ZNF385D: variants seen among roughly 807,000 people sequenced by gnomAD.
ZNF385D encodes zinc finger protein 659.
In ZNF385D, 15 loss-of-function variants were observed where a neutral mutation model predicts 35.8. That is an observed-to-expected ratio of 0.42 (90% CI 0.28 to 0.64). The LOEUF (loss-of-function observed/expected upper bound fraction) is 0.64, where lower values mean the gene tolerates loss of function less well. Among genes scored for constraint, ZNF385D ranks in the 30% least tolerant of loss-of-function variants. ZNF385D has a pLI of 0.23. For synonymous variants in ZNF385D, 212 were observed against 186.8 expected (o/e 1.13, Z -1.10); for missense variants, 474 against 494.6 (o/e 0.96, Z 0.39).
At position 22,149,259 on chromosome 3, in the gene ZNF385D, C is replaced by G. The variant is rs185217058; in HGVS notation, c.325+19558G>C. ...TCTATATTTATATACATGTTAGTAT[C>G]CCAACCTTGATTTTTCTTCCTGCTG... On this transcript the variant is annotated intron_variant, in intron 3 of 5. Coordinates refer to the ZNF385D transcript ENST00000494108. 4.6e-5 allele frequency among the ~76,000 whole-genome samples: 7 copies of G among 152,236 alleles called. No homozygotes were observed. In the East Asian group the frequency reaches 1.4e-3, roughly 29 times the overall value.
rs1462215434 is a variant in ZNF385D at position 22,255,271 on chromosome 3, T to C, written c.107-86236A>G. 3.3e-5 allele frequency among the ~76,000 whole-genome samples: 5 copies of C among 149,920 alleles called. No homozygotes were observed. The South Asian group carries it at 6.3e-4, about 19-fold the overall frequency. On this transcript the variant is annotated intron_variant, in intron 2 of 5. Transcript: ENST00000494108. ...TGACACTGATTTTGTTATCATGTAT[T>C]CCCCCCCCCAAAATTGTGTCCTAAA...
At chr3:21,627,242 G>A (rs2065158502) in intron 2 of ZNF385D, among the ~76,000 whole-genome samples, 1 of 118,172 alleles carries the variant, frequency 8.5e-6, no homozygotes, top group Admixed American at 9.9e-5. Context: ...TCAAAGAGGT[G>A]TAGGGTGTGT....
chr3:21,899,110 T>C (rs73820179), intron 3 of ZNF385D, among the ~76,000 whole-genome samples: 2,448 of 152,204 alleles, frequency 0.016, 68 homozygotes, highest in African/African-American at 0.056. Context: ...CCTGGAGATA[T>C]TCCTGGCTGT....
chr3:21,902,578 C>A (rs1699465466), intron 3 of ZNF385D, among the ~76,000 whole-genome samples: 1 of 152,068 alleles, frequency 6.6e-6, no homozygotes, highest in African/African-American at 2.4e-5. Context: ...AAGGGGTTCT[C>A]CAGGAGTAGA....
chr3:22,101,462 G>A (rs1368364315), intron 3 of ZNF385D, among the ~76,000 whole-genome samples: 4 of 151,968 alleles, frequency 2.6e-5, no homozygotes, highest in East Asian at 1.9e-4. Flanking sequence ...GAAATAACAC[G>A]TATTTGTCAT....
chr3:21,482,954 A>G (rs1704743053), intron 4 of ZNF385D, among the ~76,000 whole-genome samples: 1 of 152,176 alleles, frequency 6.6e-6, no homozygotes, highest in Non-Finnish European at 1.5e-5. Context: ...TACCAAAACC[A>G]GAAAATTGAC....
At chr3:21,727,135 C>CT in intron 1 of ZNF385D, among the ~76,000 whole-genome samples, 1 of 152,292 alleles carries the variant, frequency 6.6e-6, no homozygotes, top group Non-Finnish European at 1.5e-5. Flanking sequence ...AAAACTGAAA[C>CT]TGGACCCCTT....
At chr3:21,564,918 C>T (rs996764095) in intron 2 of ZNF385D, among the ~76,000 whole-genome samples, 4 of 152,134 alleles carry the variant, frequency 2.6e-5, no homozygotes, top group African/African-American at 9.7e-5. Context: ...AGTCTGCATA[C>T]TAACTGTTTT....
intron 3 of ZNF385D, among the ~76,000 whole-genome samples, chr3:22,025,603 A>G (rs1236837499): frequency 6.6e-6 from 1 of 152,156 alleles, no homozygotes; most frequent in Non-Finnish European, 1.5e-5. Context: ...GGAGTTTAAA[A>G]AGGTTCTAAC....
chr3:22,110,680 C>T (rs1381130062), intron 3 of ZNF385D, among the ~76,000 whole-genome samples: 1 of 151,598 alleles, frequency 6.6e-6, no homozygotes, highest in Non-Finnish European at 1.5e-5. Flanking sequence ...GGAGATACAC[C>T]TAATGTTAAA....
rs568457196 is a variant in ZNF385D, at chr3:21,794,064, C to T, written c.326-129036G>A. Among the ~76,000 whole-genome samples the T allele has an allele frequency of 9.1e-4, 138 of 152,178 alleles. 1 individual carries two copies. The highest frequency in any genetic ancestry group is 3.1e-3 in the African/African-American group (128 of 41,532). ...ATATGGAGAGAGCACAAAGAATGAC[C>T]AGGGATGTAAAAAACTACTGCTGAC... On this transcript the variant is annotated intron_variant, in intron 3 of 5. Transcript: ENST00000494108.
intron 2 of ZNF385D, among the ~76,000 whole-genome samples, chr3:22,244,070 T>G (rs729286): frequency 0.34 from 51,539 of 150,340 alleles, 9,813 homozygotes; most frequent in Non-Finnish European, 0.35. Flanking sequence ...CTGAAAAACC[T>G]CTCAAGACTT....
intron 3 of ZNF385D, among the ~76,000 whole-genome samples, chr3:21,872,775 C>T (rs1430927872): frequency 6.6e-6 from 1 of 152,044 alleles, no homozygotes; most frequent in Non-Finnish European, 1.5e-5. Flanking sequence ...AGCAAATTTC[C>T]CAGCCGCTAC....
intron 3 of ZNF385D, among the ~76,000 whole-genome samples, chr3:21,922,062 A>G (rs1434293876): frequency 6.6e-6 from 1 of 152,152 alleles, no homozygotes. Flanking sequence ...ATGACAGGTC[A>G]ATATTCCTGA....
At chr3:22,283,361 C>A (rs1470672540) in intron 2 of ZNF385D, among the ~76,000 whole-genome samples, 1 of 152,112 alleles carries the variant, frequency 6.6e-6, no homozygotes, top group Non-Finnish European at 1.5e-5. Context: ...ACATTCTACC[C>A]AACAACTGCA....
chr3:22,348,695 G>A (rs1695777768), intron 2 of ZNF385D, among the ~76,000 whole-genome samples: 1 of 150,152 alleles, frequency 6.7e-6, no homozygotes, highest in South Asian at 2.1e-4. Flanking sequence ...AGGGAGGGAG[G>A]GAGGGAGGGA....
At chr3:22,330,912 G>A (rs1414373265) in intron 2 of ZNF385D, among the ~76,000 whole-genome samples, 1 of 152,218 alleles carries the variant, frequency 6.6e-6, no homozygotes, top group Non-Finnish European at 1.5e-5. Flanking sequence ...AAACCCTGCA[G>A]CATCAGCCCA....
chr3:22,258,195 TTAGAG>T (rs1471767409), intron 2 of ZNF385D, among the ~76,000 whole-genome samples: 5 of 150,610 alleles, frequency 3.3e-5, no homozygotes, highest in East Asian at 2.0e-4. Flanking sequence ...AAAAAGTTAA[TTAGAG>T]TAATTTGTTT....
intron 4 of ZNF385D, among the ~76,000 whole-genome samples, chr3:21,471,712 A>G (rs866225292): frequency 6.6e-5 from 10 of 152,144 alleles, no homozygotes; most frequent in African/African-American, 1.4e-4. Flanking sequence ...TTGAAGTATG[A>G]TGGGAAACAT....
Sources: gnomAD v4.1 joint callset for allele counts (sites outside exome capture counted in the v4.1 genomes callset) on GRCh38, gnomAD v4.1.1 for gene constraint, MANE v1.5 for transcripts, NCBI Gene and HGNC (gene_info 2026-07-23, HGNC 2026-07-21) for gene names.